ARSG: variants seen among roughly 807,000 people sequenced by gnomAD.
ARSG encodes arylsulfatase G, also known as ASG.
Under a neutral mutation model 50.5 loss-of-function variants are expected in ARSG, and 37 were observed. The observed-to-expected ratio is 0.73, with a 90% CI of 0.56 to 0.96. The LOEUF is 0.96. Ranked by LOEUF, ARSG falls within the 50% of genes least tolerant of loss-of-function variation. ARSG has a pLI of 0.00. For synonymous variants in ARSG, 225 were observed against 254.6 expected (o/e 0.88, Z 1.11); for missense variants, 629 against 675.3 (o/e 0.93, Z 0.76).
At position 68,358,817 on chromosome 17, in the gene ARSG, T is replaced by C. The variant is rs571111377; in HGVS notation, c.704+2013T>C. Among the ~76,000 whole-genome samples, 6 of 151,684 alleles carry C rather than the reference T, an allele frequency of 4.0e-5. No individual in the cohort carries two copies. In the South Asian group the frequency reaches 1.0e-3, roughly 26 times the overall value. On this transcript the variant is annotated intron_variant, in intron 6 of 11. Coordinates refer to ENST00000621439, the MANE Select transcript of ARSG (RefSeq NM_001267727.2). ...AGGAGTTCAAGGCTGCAGTGAGCCA[T>C]AATGGTGCCACCGTACTCCAGCCTG...
At chr17:68,300,327 G>A (rs1555761268) in intron 1 of ARSG, among the ~76,000 whole-genome samples, 1 of 152,182 alleles carries the variant, frequency 6.6e-6, no homozygotes, top group African/African-American at 2.4e-5. Flanking sequence ...CTGACCATGT[G>A]TTGATAATTG....
chr17:68,427,068 C>G (rs1016683749), downstream of ARSG: 2 of 1,302,826 alleles, frequency 1.5e-6, no homozygotes, highest in Non-Finnish European at 2.2e-6. Flanking sequence ...GGGGAGGGAG[C>G]GTGCAGGGAG....
chr17:68,435,843 G>T, the ARSG span: 2 of 793,914 alleles, frequency 2.5e-6, no homozygotes, highest in Non-Finnish European at 2.1e-6. Flanking sequence ...TGTCCCCCAG[G>T]CCATCTGCAT....
chr17:68,395,199 T>A lies in ARSG; in HGVS notation c.1212+6T>A, dbSNP rs747168809. On this transcript the variant is annotated splice_donor_region_variant and intron_variant, in intron 10 of 11. Coordinates refer to ENST00000621439, the MANE Select transcript of ARSG (RefSeq NM_001267727.2). ...GGTCACAGCCTGGGCACAGGGTAAG[T>A]GGAGGAGGTACTTGCCCACATGTAG... 1 of 1,613,734 alleles carries A rather than the reference T, an allele frequency of 6.2e-7. No individual in the cohort carries two copies. The highest frequency in any genetic ancestry group is 2.2e-5 in the East Asian group (1 of 44,868).
chr17:68,368,502 C>G, intron 6 of ARSG, 46 bp from the exon 7 acceptor site: 1 of 1,579,522 alleles, frequency 6.3e-7, no homozygotes, highest in Non-Finnish European at 8.7e-7. Flanking sequence ...ACCAGATGAG[C>G]CAGGAGAGCC....
chr17:68,304,911 T>C (rs1408771071), intron 1 of ARSG, among the ~76,000 whole-genome samples: 1 of 152,204 alleles, frequency 6.6e-6, no homozygotes, highest in East Asian at 1.9e-4. Context: ...TGGTGACTCA[T>C]GCATGTAATC....
At chr17:68,272,348 G>A (rs1352311509) in intron 1 of ARSG, among the ~76,000 whole-genome samples, 1 of 152,180 alleles carries the variant, frequency 6.6e-6, no homozygotes, top group Non-Finnish European at 1.5e-5. Flanking sequence ...GACATAACAG[G>A]TGAATAATTG....
chr17:68,270,786 A>G, intron 1 of ARSG: 2 of 1,456,440 alleles, frequency 1.4e-6, no homozygotes, highest in South Asian at 1.4e-5. Context: ...GGAAGCTAGC[A>G]CAATTCACAA....
chr17:68,313,765 C>T (rs1052827474), intron 2 of ARSG, among the ~76,000 whole-genome samples: 6 of 148,788 alleles, frequency 4.0e-5, no homozygotes, highest in Non-Finnish European at 7.4e-5. Context: ...CTGCAACCTC[C>T]GCCTCCGGGT....
chr17:68,450,839 T>TACC, the ARSG span: 1 of 1,614,206 alleles, frequency 6.2e-7, no homozygotes, highest in South Asian at 1.1e-5. Context: ...TGTGACTGAC[T>TACC]ACCACCACCA....
chr17:68,365,384 TG>T (rs1318143043), intron 6 of ARSG, among the ~76,000 whole-genome samples: 1 of 152,188 alleles, frequency 6.6e-6, no homozygotes, highest in African/African-American at 2.4e-5. Flanking sequence ...ACAACTTTGT[TG>T]GGGAGGTCTG....
intron 2 of ARSG, among the ~76,000 whole-genome samples, chr17:68,308,568 G>C (rs1309001237): frequency 6.6e-6 from 1 of 152,222 alleles, no homozygotes; most frequent in African/African-American, 2.4e-5. Context: ...GCAGTAGCAA[G>C]ATTTATTGCA....
At chr17:68,439,070 T>C in the ARSG span, among the ~76,000 whole-genome samples, 1 of 152,206 alleles carries the variant, frequency 6.6e-6, no homozygotes, top group Non-Finnish European at 1.5e-5. Flanking sequence ...CTCTGGAACG[T>C]TTAGCAGTTC....
chr17:68,421,115 G>A (rs896544971), downstream of ARSG: 1 of 154,556 alleles, frequency 6.5e-6, no homozygotes, highest in Admixed American at 6.4e-5. Flanking sequence ...ACCAAAGTTA[G>A]GTCGTTTTCC....
chr17:68,394,979 C>G, intron 9 of ARSG, 94 bp from the exon 10 acceptor site: 4 of 1,554,984 alleles, frequency 2.6e-6, no homozygotes. Flanking sequence ...GCTGTGGGTG[C>G]TTGCTCTGGG....
chr17:68,352,120 GAGAGAGAGAGAGAGAGACAGA>G (rs2078810119), intron 5 of ARSG, among the ~76,000 whole-genome samples: 1 of 38,086 alleles, frequency 2.6e-5, no homozygotes, highest in Non-Finnish European at 6.6e-5. Context: ...AGAGACAGAG[GAGAGAGAGAGAGAGAGACAGA>G]GGAGAGAGAG....
At chr17:68,284,330 G>A (rs2075793348) in intron 1 of ARSG, among the ~76,000 whole-genome samples, 1 of 152,194 alleles carries the variant, frequency 6.6e-6, no homozygotes, top group South Asian at 2.1e-4. Flanking sequence ...GGAGGCAGAG[G>A]TTGCAATGAG....
At chr17:68,282,245 G>A (rs1555753025) in intron 1 of ARSG, among the ~76,000 whole-genome samples, 5 of 151,752 alleles carry the variant, frequency 3.3e-5, no homozygotes, top group African/African-American at 7.3e-5. Flanking sequence ...GCAAACTATC[G>A]CAAGGACAAA....
chr17:68,395,005 G>T (rs1337465319), intron 9 of ARSG, 68 bp from the exon 10 acceptor site: 2 of 1,597,478 alleles, frequency 1.3e-6, no homozygotes, highest in African/African-American at 1.3e-5. Context: ...TCAGGTGGGG[G>T]TTGACACGGC....
Sources: allele counts gnomAD v4.1 joint callset (sites outside exome capture counted in the v4.1 genomes callset), GRCh38; gene constraint gnomAD v4.1.1; transcripts MANE v1.5; gene names NCBI Gene and HGNC (gene_info 2026-07-23, HGNC 2026-07-21).